The following DPH5 variants were observed in gnomAD, a reference collection of about 807,000 sequenced individuals.
DPH5 encodes diphthine methyl ester synthase.
In DPH5, 31 loss-of-function variants were observed where a neutral mutation model predicts 31.6. The observed-to-expected ratio is 0.98, with a 90% CI of 0.74 to 1.32. DPH5 has a LOEUF of 1.32. Among genes scored for constraint, DPH5 ranks in the 40% most tolerant of loss-of-function variants. The pLI is 0.00. For missense variants in DPH5, 309 were observed against 335.7 expected (o/e 0.92, Z 0.62); for synonymous variants, 120 against 115.0 (o/e 1.04, Z -0.28).
At chr1:101,011,214 T>C (rs1442471260) in intron 4 of DPH5, among the ~76,000 whole-genome samples, 1 of 150,242 alleles carries the variant, frequency 6.7e-6, no homozygotes, top group Non-Finnish European at 1.5e-5. Flanking sequence ...TGCATATGAT[T>C]TTTAATGCTT....
At position 100,990,299 on chromosome 1, in the gene DPH5, G is replaced by T; in HGVS notation, c.*109C>A. 1 of 996,866 alleles carries T rather than the reference G, an allele frequency of 1.0e-6. No homozygotes were observed. The highest frequency in any genetic ancestry group is 1.5e-6 in the Non-Finnish European group (1 of 659,310). 61.8% of individuals were successfully genotyped at this position (996,866 alleles called of 1,614,324 possible). ...ATTCAATTACCTACCACAACACCTG[G>T]GAATTATGAGGATTAAAATTCAAGA... is the stretch of plus-strand genomic sequence containing the variant. On this transcript the variant is annotated 3_prime_UTR_variant, in exon 8 of 8. Transcript: ENST00000370109.
intron 4 of DPH5, among the ~76,000 whole-genome samples, chr1:101,010,470 T>A (rs919900002): frequency 6.6e-6 from 1 of 152,212 alleles, no homozygotes; most frequent in Non-Finnish European, 1.5e-5. Flanking sequence ...ACAAAGGTAA[T>A]GAACAATACT....
chr1:100,991,427 T>C lies in DPH5; in HGVS notation c.635-796A>G, dbSNP rs547593503. Among the ~76,000 whole-genome samples, 5 of 152,318 alleles carry C rather than the reference T, an allele frequency of 3.3e-5. No homozygotes were observed. In the East Asian group the frequency reaches 9.6e-4, roughly 29 times the overall value. ...ACAAAGTTATGGATATAGAACATCC[T>C]TGCAGACTATTTGTTTCACGACTTT... On this transcript the variant is annotated intron_variant, in intron 7 of 7. Coordinates refer to ENST00000370109, the MANE Select transcript of DPH5 (RefSeq NM_015958.3).
At position 100,993,598 on chromosome 1, in the gene DPH5, A is replaced by ATATATATATG. The variant is rs71084858; in HGVS notation, c.531-859_531-858insCATATATATA. On this transcript the variant is annotated intron_variant, in intron 6 of 7. Coordinates refer to ENST00000370109, the MANE Select transcript of DPH5 (RefSeq NM_015958.3). ...TATATATATATATATATATATATAT[A>ATATATATATG]GCTATTGTGGCTTACAACACAGTTC... 2.3e-5 allele frequency among the ~76,000 whole-genome samples: 3 copies of ATATATATATG among 128,238 alleles called. No homozygotes were observed. The East Asian group carries it at 6.7e-4, about 29-fold the overall frequency. 84.1% of individuals were successfully genotyped at this position (128,238 alleles called of 152,430 possible). A position where few individuals can be genotyped will look rare whatever the true frequency, so the allele number is the denominator to read the frequency against.
At chr1:100,996,119 T>G (rs886445863) in intron 5 of DPH5, 1 of 152,212 alleles carries the variant, frequency 6.6e-6, no homozygotes, top group Non-Finnish European at 1.5e-5. Context: ...ATATCATTAT[T>G]TATTTAATAT....
intron 3 of DPH5, among the ~76,000 whole-genome samples, chr1:101,020,238 G>A (rs12565777): frequency 0.1 from 15,709 of 152,040 alleles, 1,025 homozygotes; most frequent in Non-Finnish European, 0.15. Context: ...CAGACCCAGC[G>A]CAAGTTCCAG....
intron 7 of DPH5, among the ~76,000 whole-genome samples, chr1:100,991,270 T>C (rs917401354): frequency 6.6e-6 from 1 of 152,234 alleles, no homozygotes; most frequent in African/African-American, 2.4e-5. Context: ...TTATTCACTC[T>C]GGTGCTACAG....
intron 4 of DPH5, among the ~76,000 whole-genome samples, chr1:101,005,229 A>C (rs1289285272): frequency 6.6e-6 from 1 of 152,264 alleles, no homozygotes; most frequent in Non-Finnish European, 1.5e-5. Flanking sequence ...AAATCTGTTA[A>C]GAAAAATTAA....
chr1:101,004,615 G>C (rs1014989269), intron 4 of DPH5, among the ~76,000 whole-genome samples: 5 of 152,096 alleles, frequency 3.3e-5, no homozygotes, highest in Non-Finnish European at 7.4e-5. Flanking sequence ...CACTCATTAG[G>C]CATAAGGCAC....
At chr1:101,008,921 C>T (rs1256902329) in intron 4 of DPH5, among the ~76,000 whole-genome samples, 3 of 152,118 alleles carry the variant, frequency 2.0e-5, no homozygotes, top group Non-Finnish European at 4.4e-5. Context: ...TTTTCATCAC[C>T]CAACTAAGAC....
At chr1:100,999,880 C>T (rs1431076445) in intron 5 of DPH5, among the ~76,000 whole-genome samples, 2 of 151,786 alleles carry the variant, frequency 1.3e-5, no homozygotes, top group African/African-American at 4.8e-5. Context: ...TGCAGTGGCT[C>T]ACGCTTGTAA....
intron 4 of DPH5, among the ~76,000 whole-genome samples, chr1:101,011,895 C>CTTTTTTTTTT (rs11352737): frequency 1.8e-5 from 2 of 108,156 alleles, no homozygotes; most frequent in African/African-American, 3.6e-5. Flanking sequence ...ATTATCAATT[C>CTTTTTTTTTT]TTTTTTTTTT....
At chr1:101,021,817 A>AACACAC (rs67726104) in intron 2 of DPH5, 52 bp from the exon 3 acceptor site, 17,345 of 737,590 alleles carry the variant, frequency 0.024, 220 homozygotes, top group East Asian at 0.048. Flanking sequence ...TGACCATTCT[A>AACACAC]ACACACACAC....
At chr1:101,013,954 G>A (rs537353657) in intron 3 of DPH5, 136 bp from the exon 4 acceptor site, 2 of 604,568 alleles carry the variant, frequency 3.3e-6, no homozygotes, top group East Asian at 5.6e-5. Context: ...ACCTGCATAA[G>A]GCTTTCATCT....
intron 3 of DPH5, among the ~76,000 whole-genome samples, chr1:101,014,528 A>C (rs920302936): frequency 9.8e-5 from 15 of 152,330 alleles, no homozygotes; most frequent in Admixed American, 9.8e-4. Flanking sequence ...CAGTGAGTTT[A>C]ATCTTTTTGC....
chr1:100,992,201 C>G (rs1411352942), intron 7 of DPH5, among the ~76,000 whole-genome samples: 1 of 151,984 alleles, frequency 6.6e-6, no homozygotes, highest in Non-Finnish European at 1.5e-5. Context: ...AACAAATTTT[C>G]TCTTATATTT....
chr1:101,012,359 G>A (rs541758003), intron 4 of DPH5, among the ~76,000 whole-genome samples: 2 of 152,326 alleles, frequency 1.3e-5, no homozygotes, highest in South Asian at 2.1e-4. Context: ...AGAGGGATGA[G>A]GAAGGGGCTT....
intron 3 of DPH5, among the ~76,000 whole-genome samples, chr1:101,016,485 C>G (rs534161779): frequency 1.2e-4 from 18 of 149,860 alleles, no homozygotes; most frequent in Admixed American, 1.1e-3. Context: ...CACTATATCA[C>G]CCAGGCTGGA....
rs372103001 is a variant in DPH5 at position 100,990,649 on chromosome 1, T to C, written c.635-18A>G. 30 of 1,602,542 alleles carry C rather than the reference T, an allele frequency of 1.9e-5. No individual in the cohort carries two copies. Among genetic ancestry groups the C allele is most frequent in the Non-Finnish European group, 2.5e-5 (29 of 1,170,066 alleles). On this transcript the variant is annotated intron_variant, in intron 7 of 7. Coordinates refer to ENST00000370109, the MANE Select transcript of DPH5 (RefSeq NM_015958.3). Reference sequence around the variant, plus strand: ...GGTAACTGCTATTAAAAAAAAAAGATACTGCTATTCAATTCAGCAAATGCA... The same window carrying C: ...GGTAACTGCTATTAAAAAAAAAAGACACTGCTATTCAATTCAGCAAATGCA...
Sources: gnomAD v4.1 joint callset for allele counts (sites outside exome capture counted in the v4.1 genomes callset) on GRCh38, gnomAD v4.1.1 for gene constraint, MANE v1.5 for transcripts, NCBI Gene and HGNC (gene_info 2026-07-23, HGNC 2026-07-21) for gene names.